The following CFAP45 variants were observed in gnomAD, a reference collection of about 807,000 sequenced individuals.
The protein encoded by CFAP45 is cilia- and flagella-associated protein 45.
A neutral mutation model predicts 75.6 loss-of-function variants in CFAP45; 43 were observed. The observed-to-expected ratio is 0.57, with a 90% confidence interval of 0.45 to 0.73. CFAP45 has a LOEUF of 0.73. CFAP45 is among the 30% of genes least tolerant of loss of function. CFAP45 has a pLI of 0.00. For missense variants in CFAP45, 689 were observed against 701.5 expected, an observed-to-expected ratio of 0.98 and a Z score of 0.20; for synonymous variants, 223 against 244.6, an observed-to-expected ratio of 0.91 and a Z score of 0.82.
intron 10 of CFAP45, among the ~76,000 whole-genome samples, chr1:159,874,769 A>T (rs1649360436): frequency 6.6e-6 from 1 of 152,230 alleles, no homozygotes; most frequent in Admixed American, 6.5e-5. Flanking sequence ...AGACTCATGC[A>T]TGGGCCTAAT....
chr1:159,874,993 T>G (rs994464640), intron 10 of CFAP45, among the ~76,000 whole-genome samples: 1 of 152,160 alleles, frequency 6.6e-6, no homozygotes, highest in Non-Finnish European at 1.5e-5. Flanking sequence ...AAAGTTGGAT[T>G]TGGGCTGTGG....
At chr1:159,877,094 G>C (rs1649421419) in intron 9 of CFAP45, among the ~76,000 whole-genome samples, 1 of 152,180 alleles carries the variant, frequency 6.6e-6, no homozygotes, top group Non-Finnish European at 1.5e-5. Flanking sequence ...TCATTGGTTG[G>C]TTAAGGTTGA....
intron 10 of CFAP45, chr1:159,873,463 T>C (rs1277026726): frequency 4.5e-6 from 2 of 439,738 alleles, no homozygotes; most frequent in Non-Finnish European, 8.3e-6. Context: ...TGTTTTGAAA[T>C]TCTTAATAAT....
At chr1:159,897,476 AG>A (rs1649979497) in intron 1 of CFAP45, among the ~76,000 whole-genome samples, 1 of 149,764 alleles carries the variant, frequency 6.7e-6, no homozygotes, top group South Asian at 2.1e-4. Flanking sequence ...CCAGCTACTC[AG>A]GAGGCTGAGG....
intron 10 of CFAP45, chr1:159,876,281 T>C: frequency 2.0e-6 from 1 of 501,394 alleles, no homozygotes; most frequent in Non-Finnish European, 3.6e-6. Flanking sequence ...AATTTTACCT[T>C]TATTTATACT....
intron 10 of CFAP45, among the ~76,000 whole-genome samples, chr1:159,875,488 T>C (rs537057820): frequency 5.7e-4 from 87 of 152,258 alleles, no homozygotes; most frequent in African/African-American, 1.9e-3. Flanking sequence ...CTCGTAAGGA[T>C]AGAGGCTCCC....
At chr1:159,880,982 A>G (rs1348437757) in intron 7 of CFAP45, among the ~76,000 whole-genome samples, 2 of 152,142 alleles carry the variant, frequency 1.3e-5, no homozygotes, top group Non-Finnish European at 2.9e-5. Context: ...GTTCCATACA[A>G]TTGCCTCTCA....
chr1:159,873,295 C>T, intron 10 of CFAP45, 127 bp from the exon 11 acceptor site: 1 of 711,488 alleles, frequency 1.4e-6, no homozygotes. Context: ...CCTCTGGGCT[C>T]CAGCCCCATT....
chr1:159,898,933 T>C (rs577383995), intron 1 of CFAP45, among the ~76,000 whole-genome samples: 2 of 152,300 alleles, frequency 1.3e-5, no homozygotes, highest in South Asian at 4.1e-4. Context: ...ATTAACAAAA[T>C]TCTTCTGAGG....
At chr1:159,878,753 T>TTAAAAAAAA (rs1649468913) in intron 8 of CFAP45, among the ~76,000 whole-genome samples, 1 of 32,496 alleles carries the variant, frequency 3.1e-5, no homozygotes, top group Non-Finnish European at 5.8e-5. Context: ...AGACTACATC[T>TTAAAAAAAA]AAAAAAAAAA....
rs1485765576 is a variant in CFAP45, at chr1:159,877,085, C to T, written c.1158+264G>A. Among the ~76,000 whole-genome samples, 5 of 152,212 alleles carry T rather than the reference C, an allele frequency of 3.3e-5. No individual in the cohort carries two copies. In the South Asian group the frequency reaches 1.0e-3, roughly 32 times the overall value. The stretch of plus-strand genomic sequence containing the variant: ...CACAGGTTCCCCTGGTGACACATTT[C>T]ATTGGTTGGTTAAGGTTGAAAGTTC... On this transcript the variant is annotated intron_variant, in intron 9 of 11. Coordinates refer to ENST00000368099, the MANE Select transcript of CFAP45 (RefSeq NM_012337.3).
chr1:159,879,288 T>G (rs1454432044), intron 8 of CFAP45, among the ~76,000 whole-genome samples: 1 of 152,120 alleles, frequency 6.6e-6, no homozygotes, highest in East Asian at 1.9e-4. Context: ...AGCCAGAAAA[T>G]ATGTGCACTA....
At chr1:159,892,777 G>A (rs1159075385) in intron 2 of CFAP45, among the ~76,000 whole-genome samples, 1 of 152,212 alleles carries the variant, frequency 6.6e-6, no homozygotes, top group Non-Finnish European at 1.5e-5. Context: ...AAAGGAGGAT[G>A]GTTTTGTGTT....
chr1:159,875,671 G>A (rs920128924), intron 10 of CFAP45, among the ~76,000 whole-genome samples: 2 of 152,140 alleles, frequency 1.3e-5, no homozygotes, highest in African/African-American at 2.4e-5. Flanking sequence ...CCTTCAATTC[G>A]AATTTTGCTT....
rs777990509 is a variant in CFAP45 at position 159,887,965 on chromosome 1, A to G, written c.464T>C (p.Val155Ala). Residue 155 changes from valine (V) to alanine (A), a missense_variant, in exon 5 of 12, where the codon GTG becomes GCG. By Grantham distance (64) the Val-to-Ala change is moderately conservative. Coordinates refer to ENST00000368099, the MANE Select transcript of CFAP45 (RefSeq NM_012337.3). ...RKKIMKQKEMVWNNNKKLSDL... is the reference protein window; with the variant it reads ...RKKIMKQKEMAWNNNKKLSDL... ...ACTGAGCTTCTTGTTGTTGTTCCAC[A>G]CCATCTCCTTCTGTTTCATGATCTT... 6.2e-7 allele frequency: 1 copy of G among 1,614,172 alleles called. No individual in the cohort carries two copies. The highest frequency in any genetic ancestry group is 8.5e-7 in the Non-Finnish European group (1 of 1,180,026).
Position 159,895,552 on chromosome 1 carries a change from A to C in CFAP45, c.4-2247T>G, listed in dbSNP as rs189343446. 2.8e-3 allele frequency among the ~76,000 whole-genome samples: 432 copies of C among 152,304 alleles called. 2 individuals are homozygous for C. The highest frequency in any genetic ancestry group is 9.9e-3 in the African/African-American group (410 of 41,566). On this transcript the variant is annotated intron_variant, in intron 1 of 11. Transcript: ENST00000368099. ...GTACATTGAACAATGCTATATGTGC[A>C]TTTCCCTCACTGCCCGGCACAGCCA...
chr1:159,892,656 T>C (rs963908354), intron 2 of CFAP45, among the ~76,000 whole-genome samples: 1 of 152,214 alleles, frequency 6.6e-6, no homozygotes, highest in African/African-American at 2.4e-5. Context: ...ACTATCTAGC[T>C]CTCTTTATCT....
In CFAP45 at chr1:159,872,478, G is replaced by T. The variant is rs368986307; in HGVS notation, c.*7C>A. On this transcript the variant is annotated 3_prime_UTR_variant, in exon 12 of 12. Coordinates refer to ENST00000368099, the MANE Select transcript of CFAP45 (RefSeq NM_012337.3). ...CGAAGGCATCCTGAGGGCCACGAAG[G>T]CTCCCCTCAGTTCACAGAGGTAGCT... The T allele has an allele frequency of 5.6e-6, 9 of 1,613,040 alleles. No homozygotes were observed. The highest frequency in any genetic ancestry group is 1.7e-4 in the Middle Eastern group (1 of 6,060).
intron 7 of CFAP45, 81 bp downstream of exon 7, chr1:159,884,355 C>T (rs1389201187): frequency 1.4e-6 from 2 of 1,442,556 alleles, no homozygotes; most frequent in Admixed American, 2.4e-5. Flanking sequence ...GAAAATCAGT[C>T]AACACCCTGA....
Sources: gnomAD v4.1 joint callset for allele counts (sites outside exome capture counted in the v4.1 genomes callset) on GRCh38, gnomAD v4.1.1 for gene constraint, MANE v1.5 for transcripts, NCBI Gene and HGNC (gene_info 2026-07-23, HGNC 2026-07-21) for gene names.